The following LYRM1 variants were observed in gnomAD, a reference collection of about 807,000 sequenced individuals.
The protein encoded by LYRM1 is LYR motif containing 1.
A neutral mutation model predicts 14.9 loss-of-function variants in LYRM1; 14 were observed. The observed-to-expected ratio is 0.94, with a 90% CI of 0.62 to 1.47. The LOEUF (loss-of-function observed/expected upper bound fraction) is 1.47, where lower values mean the gene tolerates loss of function less well. Ranked by LOEUF, LYRM1 falls within the 40% of genes most tolerant of loss-of-function variation. The pLI is 0.00. For synonymous variants in LYRM1, 43 were observed against 56.2 expected, an observed-to-expected ratio of 0.77 and a Z score of 1.05; for missense variants, 153 against 149.9, an observed-to-expected ratio of 1.02 and a Z score of -0.11.
upstream of LYRM1, chr16:20,900,322 CT>C (rs2081974973): frequency 6.6e-6 from 1 of 152,094 alleles, no homozygotes; most frequent in Admixed American, 6.6e-5. Context: ...CCGCCGCCGC[CT>C]CTTCTTCCAC....
At chr16:20,913,099 TTAAATAAA>T (rs749800928) in intron 1 of LYRM1, among the ~76,000 whole-genome samples, 2 of 143,674 alleles carry the variant, frequency 1.4e-5, no homozygotes, top group Non-Finnish European at 3.0e-5. Context: ...ATAATAATAA[TTAAATAAA>T]TAAATAAAAC....
At position 20,920,229 on chromosome 16, in the gene LYRM1, G is replaced by A. The variant is rs745518295; in HGVS notation, c.252+15G>A. 2.7e-5 allele frequency: 43 copies of A among 1,573,404 alleles called. No homozygotes were observed. Among genetic ancestry groups the A allele is most frequent in the African/African-American group, 5.4e-5 (4 of 74,058 alleles). On this transcript the variant is annotated intron_variant, in intron 3 of 3. Coordinates refer to ENST00000567954, the MANE Select transcript of LYRM1 (RefSeq NM_001128302.3). ...ACCCAAGGCCAGTAAGTGTGACTCC[G>A]GTTAACAAGTGCTGGGTACTTACCC... is the stretch of plus-strand genomic sequence containing the variant.
chr16:20,920,075 C>CCATTT (rs1262813784), intron 2 of LYRM1, 47 bp from the exon 3 acceptor site: 1 of 1,299,720 alleles, frequency 7.7e-7, no homozygotes, highest in South Asian at 1.2e-5. Flanking sequence ...ACTCTATGTA[C>CCATTT]CATTAGAAAG....
chr16:20,902,418 G>C (rs766012256), intron 1 of LYRM1: 8 of 152,242 alleles, frequency 5.3e-5, no homozygotes, highest in African/African-American at 9.7e-5. Context: ...GGAGCTCCCA[G>C]ATCACCTAAG....
chr16:20,917,739 C>T (rs893215229), intron 2 of LYRM1, among the ~76,000 whole-genome samples: 6 of 152,148 alleles, frequency 3.9e-5, no homozygotes, highest in Non-Finnish European at 7.3e-5. Flanking sequence ...GCCTGGGCAA[C>T]AGAGGAAGAC....
Position 20,905,095 on chromosome 16 carries a change from A to C in LYRM1, c.-1+4206A>C, listed in dbSNP as rs554208292. 4.6e-5 allele frequency among the ~76,000 whole-genome samples: 7 copies of C among 152,300 alleles called. No individual in the cohort carries two copies. In the South Asian group the frequency reaches 1.4e-3, roughly 32 times the overall value. ...TTTAGGAAAATCCATTACTACCACA[A>C]AGCAATAAATTCACCAACAGGCCAC... On this transcript the variant is annotated intron_variant, in intron 1 of 3. Transcript: ENST00000567954.
intron 1 of LYRM1, among the ~76,000 whole-genome samples, chr16:20,915,346 G>C (rs1948564812): frequency 6.6e-6 from 1 of 151,820 alleles, no homozygotes; most frequent in South Asian, 2.1e-4. Context: ...TGTAGTCCCA[G>C]CTACTCGGGC....
At chr16:20,906,681 A>G (rs2082336429) in intron 1 of LYRM1, among the ~76,000 whole-genome samples, 1 of 152,194 alleles carries the variant, frequency 6.6e-6, no homozygotes, top group Admixed American at 6.5e-5. Context: ...ACTTCTATAA[A>G]TCTCAGCTGG....
At chr16:20,923,864 CT>C (rs1312736474) in intron 3 of LYRM1, 135 bp from the exon 4 acceptor site, 2 of 552,710 alleles carry the variant, frequency 3.6e-6, no homozygotes, top group Non-Finnish European at 6.5e-6. Flanking sequence ...GTAGGATTAA[CT>C]TGTGTAAAGA....
chr16:20,920,065 AC>A, intron 2 of LYRM1, 56 bp from the exon 3 acceptor site: 2 of 1,177,394 alleles, frequency 1.7e-6, no homozygotes, highest in Non-Finnish European at 2.5e-6. Flanking sequence ...GTATACCTAT[AC>A]TCTATGTACC....
upstream of LYRM1, chr16:20,900,333 C>G (rs1430666621): frequency 6.6e-6 from 1 of 152,010 alleles, no homozygotes; most frequent in Admixed American, 6.6e-5. Context: ...TCTTCTTCCA[C>G]CACTGCCACC....
At chr16:20,903,035 A>G (rs1265775986) in intron 1 of LYRM1, among the ~76,000 whole-genome samples, 2 of 152,250 alleles carry the variant, frequency 1.3e-5, no homozygotes, top group Non-Finnish European at 2.9e-5. Flanking sequence ...TGGATCTGCC[A>G]CTGACCAGCA....
chr16:20,903,278 G>T (rs920727565), intron 1 of LYRM1, among the ~76,000 whole-genome samples: 15 of 152,154 alleles, frequency 9.9e-5, no homozygotes, highest in Admixed American at 3.3e-4. Context: ...GTTCCTAGAG[G>T]TTCCTACACA....
chr16:20,903,966 TATG>T (rs1358051654), intron 1 of LYRM1, among the ~76,000 whole-genome samples: 1 of 149,622 alleles, frequency 6.7e-6, no homozygotes, highest in Admixed American at 6.7e-5. Context: ...GCTGGGGAGT[TATG>T]AATGAATGAA....
At chr16:20,910,673 C>G (rs537763707) in intron 1 of LYRM1, among the ~76,000 whole-genome samples, 2 of 152,258 alleles carry the variant, frequency 1.3e-5, no homozygotes, top group South Asian at 4.1e-4. Flanking sequence ...ACTCTGGAGG[C>G]TGAGGCAGGA....
intron 2 of LYRM1, among the ~76,000 whole-genome samples, chr16:20,918,632 A>C (rs544994110): frequency 6.6e-6 from 1 of 151,750 alleles, no homozygotes. Flanking sequence ...AGAAGCCCCA[A>C]CCCCCTTAAC....
At chr16:20,906,716 C>T (rs2082337518) in intron 1 of LYRM1, among the ~76,000 whole-genome samples, 1 of 152,186 alleles carries the variant, frequency 6.6e-6, no homozygotes, top group Admixed American at 6.5e-5. Context: ...CATCTCTGCT[C>T]TTAAATTCCT....
intron 1 of LYRM1, among the ~76,000 whole-genome samples, chr16:20,907,176 T>A (rs552461295): frequency 6.6e-6 from 1 of 151,416 alleles, no homozygotes; most frequent in Non-Finnish European, 1.5e-5. Context: ...AGTAGTTTGA[T>A]ATACAGTGTA....
rs544797418 is a variant in LYRM1 at position 20,909,760 on chromosome 16, T to C, written c.1-5796T>C. Among the ~76,000 whole-genome samples the C allele has an allele frequency of 5.3e-5, 8 of 152,308 alleles. No homozygotes were observed. In the South Asian group the frequency reaches 6.2e-4, roughly 12 times the overall value. ...AGCTTTTTAAACTTTTTAAAAAATA[T>C]ATGGCTGATTCTGTTTCTAGAATCA... On this transcript the variant is annotated intron_variant, in intron 1 of 3. Transcript: ENST00000567954.
Sources: allele counts gnomAD v4.1 joint callset (sites outside exome capture counted in the v4.1 genomes callset), GRCh38; gene constraint gnomAD v4.1.1; transcripts MANE v1.5; gene names NCBI Gene and HGNC (gene_info 2026-07-23, HGNC 2026-07-21).